Variants in PTPRD observed in about 807,000 individuals in gnomAD.
PTPRD encodes the protein receptor-type tyrosine-protein phosphatase delta.
Under a neutral mutation model 214.5 loss-of-function variants are expected in PTPRD, and 34 were observed. That is an observed-to-expected ratio of 0.16 (90% CI 0.12 to 0.21). The LOEUF (loss-of-function observed/expected upper bound fraction) is 0.21. Ranked by LOEUF, PTPRD falls within the 10% of genes least tolerant of loss-of-function variation. The pLI is 1.00. For synonymous variants in PTPRD, 1,128 were observed against 845.7 expected, an observed-to-expected ratio of 1.33 and a Z score of -5.79; for missense variants, 2,545 against 2,398.7, an observed-to-expected ratio of 1.06 and a Z score of -1.27.
chr9:9,693,638 GT>G (rs2097315868), intron 7 of PTPRD, among the ~76,000 whole-genome samples: 1 of 152,032 alleles, frequency 6.6e-6, no homozygotes, highest in South Asian at 2.1e-4. Context: ...ATTTCTCTAG[GT>G]TTGGGAAGTT....
At chr9:9,077,202 G>C (rs930057448) in intron 10 of PTPRD, among the ~76,000 whole-genome samples, 2 of 148,124 alleles carry the variant, frequency 1.4e-5, no homozygotes, top group African/African-American at 5.0e-5. Context: ...ATATATTCTG[G>C]TTTTTAACCC....
chr9:9,620,171 A>G (rs1445083454), intron 7 of PTPRD, among the ~76,000 whole-genome samples: 2 of 152,138 alleles, frequency 1.3e-5, no homozygotes, highest in Non-Finnish European at 2.9e-5. Flanking sequence ...GGTCCTCCAC[A>G]TAACAGAAGA....
In PTPRD at chr9:9,079,674, T is replaced by A. The variant is rs541149222; in HGVS notation, c.-142-60939A>T. On this transcript the variant is annotated intron_variant, in intron 10 of 45. Coordinates refer to ENST00000381196, the MANE Select transcript of PTPRD (RefSeq NM_002839.4). The stretch of plus-strand genomic sequence containing the variant: ...CTCATATCTCCTCTGGGAGGTGACA[T>A]AACCTTTGGCAGGCAGCTCTTGACA... Among the ~76,000 whole-genome samples, 119 of 152,182 alleles carry A rather than the reference T, an allele frequency of 7.8e-4. No homozygotes were observed. The Middle Eastern group carries it at 0.024, about 30-fold the overall frequency.
At chr9:8,578,463 T>C (rs2092705855) in intron 14 of PTPRD, among the ~76,000 whole-genome samples, 1 of 152,190 alleles carries the variant, frequency 6.6e-6, no homozygotes, top group African/African-American at 2.4e-5. Context: ...TATTATTTGA[T>C]TCATAATTTA....
chr9:10,344,982 T>C (rs1252907381), intron 2 of PTPRD, among the ~76,000 whole-genome samples: 2 of 152,166 alleles, frequency 1.3e-5, no homozygotes, highest in East Asian at 3.9e-4. Context: ...TCTCCTATTA[T>C]ACTATAATAA....
intron 8 of PTPRD, among the ~76,000 whole-genome samples, chr9:9,420,436 A>G (rs1050370649): frequency 2.6e-5 from 4 of 151,904 alleles, no homozygotes; most frequent in African/African-American, 9.7e-5. Flanking sequence ...TCTAGCACAT[A>G]TTGGTGATAG....
At chr9:9,273,145 T>C (rs929006135) in intron 9 of PTPRD, among the ~76,000 whole-genome samples, 10 of 151,338 alleles carry the variant, frequency 6.6e-5, no homozygotes, top group African/African-American at 2.2e-4. Flanking sequence ...TAAGTGACCA[T>C]GCTTATTTAA....
At chr9:9,947,354 TTATATATATTATA>T (rs2092742407) in intron 4 of PTPRD, among the ~76,000 whole-genome samples, 1 of 56,066 alleles carries the variant, frequency 1.8e-5, no homozygotes, top group South Asian at 4.8e-4. Context: ...ATAATATATA[TTATATATATTATA>T]TATATATTAT....
intron 32 of PTPRD, among the ~76,000 whole-genome samples, chr9:8,463,387 C>A: frequency 7.0e-6 from 1 of 142,540 alleles, no homozygotes; most frequent in Admixed American, 7.0e-5. Flanking sequence ...AACTATATAT[C>A]TAAGAAACAT....
intron 9 of PTPRD, among the ~76,000 whole-genome samples, chr9:9,235,774 G>T (rs535144530): frequency 6.6e-6 from 1 of 152,192 alleles, no homozygotes; most frequent in East Asian, 1.9e-4. Context: ...AAATTTGTTT[G>T]TTCCTTCCTT....
At chr9:8,723,203 G>A (rs758319825) in intron 12 of PTPRD, among the ~76,000 whole-genome samples, 6 of 151,884 alleles carry the variant, frequency 4.0e-5, no homozygotes, top group Non-Finnish European at 8.8e-5. Context: ...TTGCACTAAG[G>A]TCTTTACACT....
At chr9:9,637,228 T>C (rs111401362) in intron 7 of PTPRD, among the ~76,000 whole-genome samples, 1 of 152,188 alleles carries the variant, frequency 6.6e-6, no homozygotes, top group Admixed American at 6.5e-5. Flanking sequence ...TTCACCCTGA[T>C]AGCCCCCAAA....
Position 9,676,121 on chromosome 9 carries a change from T to C in PTPRD, c.-287+58412A>G, listed in dbSNP as rs536642526. ...TGTGTAATCCAGTTTTTGTAAGTTT[T>C]TTTAATGTTGGTTTTTTATTATACT... On this transcript the variant is annotated intron_variant, in intron 7 of 45. Transcript: ENST00000381196. 6.6e-5 allele frequency among the ~76,000 whole-genome samples: 10 copies of C among 152,254 alleles called. No individual in the cohort carries two copies. In the South Asian group the frequency reaches 1.5e-3, roughly 22 times the overall value.
intron 39 of PTPRD, among the ~76,000 whole-genome samples, chr9:8,365,390 T>C (rs1221931943): frequency 6.6e-6 from 1 of 152,194 alleles, no homozygotes; most frequent in African/African-American, 2.4e-5. Context: ...CCAGAAGTAA[T>C]CAGGTAGCAG....
At position 8,315,925 on chromosome 9, in the gene PTPRD, T is replaced by C. The variant is rs949368328; in HGVS notation, c.*1949A>G. On this transcript the variant is annotated 3_prime_UTR_variant, in exon 46 of 46. Transcript: ENST00000381196. ...TCCTATAGAAATTCTGTTGGAAGAA[T>C]TGGGGGTAAGATACATATATATATA... The C allele has an allele frequency of 2.4e-5, 5 of 206,512 alleles. No individual in the cohort carries two copies. Among genetic ancestry groups the C allele is most frequent in the African/African-American group, 6.2e-5 (2 of 32,056 alleles). 12.8% of individuals were successfully genotyped at this position (206,512 alleles called of 1,614,324 possible).
chr9:8,708,679 C>CAAAAAAAAA (rs765081509), intron 12 of PTPRD, among the ~76,000 whole-genome samples: 1 of 39,396 alleles, frequency 2.5e-5, no homozygotes. Context: ...GACTCTGTCT[C>CAAAAAAAAA]AAAAAAAAAA....
Position 10,394,138 on chromosome 9 carries a change from A to G in PTPRD, c.-599-53121T>C, listed in dbSNP as rs1352891849. Among the ~76,000 whole-genome samples, 4 of 146,076 alleles carry G rather than the reference A, an allele frequency of 2.7e-5. No homozygotes were observed. In the East Asian group the frequency reaches 7.9e-4, roughly 29 times the overall value. On this transcript the variant is annotated intron_variant, in intron 2 of 45. Transcript: ENST00000381196. Reference sequence around the variant, plus strand: ...GATATATATACATATATATCTTTATATAAAGATATCTATATATATAGATAT... The same window carrying G: ...GATATATATACATATATATCTTTATGTAAAGATATCTATATATATAGATAT...
chr9:8,406,881 A>G (rs894988126), intron 35 of PTPRD, among the ~76,000 whole-genome samples: 5 of 152,208 alleles, frequency 3.3e-5, no homozygotes, highest in African/African-American at 9.6e-5. Context: ...AGCTTCTTAC[A>G]CATCATTTAA....
rs76232442 is a variant in PTPRD at position 10,171,076 on chromosome 9, C to T, written c.-544-137286G>A. 3.8e-3 allele frequency among the ~76,000 whole-genome samples: 586 copies of T among 152,220 alleles called. 5 individuals carry two copies. Among genetic ancestry groups the T allele is most frequent in the African/African-American group, 0.013 (540 of 41,522 alleles). On this transcript the variant is annotated intron_variant, in intron 3 of 45. Coordinates refer to ENST00000381196, the MANE Select transcript of PTPRD (RefSeq NM_002839.4). ...TTTGTTGAAATACATGAGACAAATG[C>T]CCCAAACAGCAACAATGTACATTTA...
Sources: gnomAD v4.1 joint callset for allele counts (sites outside exome capture counted in the v4.1 genomes callset) on GRCh38, gnomAD v4.1.1 for gene constraint, MANE v1.5 for transcripts, NCBI Gene and HGNC (gene_info 2026-07-23, HGNC 2026-07-21) for gene names.